The following ITGA9 variants were observed in gnomAD, a reference collection of about 807,000 sequenced individuals.
ITGA9 encodes integrin subunit alpha 9, also known as integrin alpha-9.
ITGA9 carries 56 observed loss-of-function variants against 127.8 expected under a neutral mutation model. That is an observed-to-expected ratio of 0.44 (90% CI 0.35 to 0.55). The LOEUF (loss-of-function observed/expected upper bound fraction) is 0.55, where lower values mean the gene tolerates loss of function less well. Ranked by LOEUF, ITGA9 falls within the 20% of genes least tolerant of loss-of-function variation. The pLI, the probability that ITGA9 is intolerant of heterozygous loss-of-function variation, is 0.00. For synonymous variants in ITGA9, 508 were observed against 514.5 expected (o/e 0.99, Z 0.17); for missense variants, 1,196 against 1,347.1 (o/e 0.89, Z 1.76).
chr3:37,515,128 G>A (rs954693046), intron 9 of ITGA9, among the ~76,000 whole-genome samples: 1 of 152,182 alleles, frequency 6.6e-6, no homozygotes, highest in Non-Finnish European at 1.5e-5. Context: ...TCTCTAACAT[G>A]AGAAAACGCT....
intron 26 of ITGA9, among the ~76,000 whole-genome samples, chr3:37,785,412 T>C (rs1178232122): frequency 6.6e-6 from 1 of 152,188 alleles, no homozygotes; most frequent in South Asian, 2.1e-4. Context: ...TTCTTAGACC[T>C]TTCCTAAGAC....
intron 15 of ITGA9, among the ~76,000 whole-genome samples, chr3:37,588,669 G>A (rs1699783272): frequency 1.3e-5 from 2 of 152,332 alleles, no homozygotes; most frequent in Non-Finnish European, 2.9e-5. Context: ...TCCTGAGAAT[G>A]GGGTTCAGAG....
At chr3:37,479,486 G>A (rs1007625963) in intron 3 of ITGA9, among the ~76,000 whole-genome samples, 1 of 152,206 alleles carries the variant, frequency 6.6e-6, no homozygotes, top group African/African-American at 2.4e-5. Flanking sequence ...GGTGGCAGTG[G>A]CTTGAAGGAT....
At chr3:37,521,420 G>A (rs1699043218) in intron 11 of ITGA9, among the ~76,000 whole-genome samples, 1 of 152,210 alleles carries the variant, frequency 6.6e-6, no homozygotes, top group African/African-American at 2.4e-5. Flanking sequence ...TTACCACGGA[G>A]AGTGTTTATT....
chr3:37,536,739 T>TAG (rs1699211820), intron 14 of ITGA9, among the ~76,000 whole-genome samples: 1 of 152,230 alleles, frequency 6.6e-6, no homozygotes, highest in Non-Finnish European at 1.5e-5. Flanking sequence ...AAATACAGAC[T>TAG]TTCTCTGTAG....
chr3:37,470,674 C>T (rs893752223), intron 1 of ITGA9, among the ~76,000 whole-genome samples: 1 of 152,146 alleles, frequency 6.6e-6, no homozygotes, highest in African/African-American at 2.4e-5. Flanking sequence ...CCTTGCCTGG[C>T]CATTTTTTTT....
chr3:37,650,492 G>T (rs1700419512), intron 16 of ITGA9, among the ~76,000 whole-genome samples: 1 of 152,028 alleles, frequency 6.6e-6, no homozygotes, highest in Admixed American at 6.5e-5. Context: ...GAGTGCAATG[G>T]TTGGTCTCGG....
chr3:37,810,262 G>A (rs1172957150), intron 27 of ITGA9, among the ~76,000 whole-genome samples: 5 of 152,172 alleles, frequency 3.3e-5, no homozygotes, highest in Admixed American at 1.3e-4. Context: ...TGGCCATGCC[G>A]CCGCATTCAC....
chr3:37,545,768 G>A (rs1699320397), intron 15 of ITGA9, among the ~76,000 whole-genome samples: 2 of 152,140 alleles, frequency 1.3e-5, no homozygotes, highest in East Asian at 1.9e-4. Context: ...AGTCACAGGC[G>A]AAAGCCCAAC....
intron 15 of ITGA9, among the ~76,000 whole-genome samples, chr3:37,563,643 G>A (rs759171238): frequency 3.3e-5 from 5 of 152,198 alleles, no homozygotes; most frequent in Non-Finnish European, 5.9e-5. Context: ...TATTAATTCT[G>A]GAGGACAGAT....
Position 37,578,356 on chromosome 3 carries a change from C to T in ITGA9, c.1689+35771C>T, listed in dbSNP as rs184179579. Among the ~76,000 whole-genome samples the T allele has an allele frequency of 1.5e-3, 224 of 152,304 alleles. 4 individuals are homozygous for T. The highest frequency in any genetic ancestry group is 5.2e-3 in the African/African-American group (218 of 41,556). On this transcript the variant is annotated intron_variant, in intron 15 of 27. Coordinates refer to ENST00000264741, the MANE Select transcript of ITGA9 (RefSeq NM_002207.3). ...TGGGGTAAGGGGTGGAGAAGCTTGC[C>T]TCCTTCAGAAGGGTCTTCATTCCTA... is the stretch of plus-strand genomic sequence containing the variant.
chr3:37,632,082 C>T (rs1000816025), intron 16 of ITGA9, among the ~76,000 whole-genome samples: 3 of 151,952 alleles, frequency 2.0e-5, no homozygotes, highest in African/African-American at 4.8e-5. Flanking sequence ...CCAAGGAAAC[C>T]CAAGATTGAG....
chr3:37,806,251 T>A lies in ITGA9; in HGVS notation c.3009+2309T>A, dbSNP rs1300662608. The A allele has an allele frequency of 6.6e-6, 1 of 152,174 alleles. No individual in the cohort carries two copies. Among genetic ancestry groups the A allele is most frequent in the Non-Finnish European group, 1.5e-5 (1 of 68,058 alleles). 9.4% of individuals were successfully genotyped at this position (152,174 alleles called of 1,614,324 possible). On this transcript the variant is annotated intron_variant, in intron 27 of 27. Coordinates refer to ENST00000264741, the MANE Select transcript of ITGA9 (RefSeq NM_002207.3). The surrounding 1 kb of genome is among the most constrained non-coding windows in gnomAD (Gnocchi z 4.3). ...CATCTGAAAAGACAAGGCTTCTTGC[T>A]GAGTTGAGGGCTTTGGTGCATGAGT...
chr3:37,512,983 A>G (rs758625477), intron 8 of ITGA9, among the ~76,000 whole-genome samples: 10 of 152,190 alleles, frequency 6.6e-5, no homozygotes, highest in Non-Finnish European at 1.0e-4. Flanking sequence ...CTCATCAGTT[A>G]AACAGTCTTA....
intron 15 of ITGA9, among the ~76,000 whole-genome samples, chr3:37,604,008 C>T (rs1025836123): frequency 6.6e-6 from 1 of 152,222 alleles, no homozygotes; most frequent in African/African-American, 2.4e-5. Context: ...TATGATGGAA[C>T]TGAAAAGCAG....
Position 37,784,977 on chromosome 3 carries a change from G to C in ITGA9, c.2788G>C (p.Asp930His), listed in dbSNP as rs760794567. The change falls in exon 26 of 28, where the codon GAC (aspartate) becomes CAC (histidine). Residue 930 changes from aspartate (D) to histidine (H), a missense_variant and splice_region_variant. Asp to His is a moderately conservative substitution (Grantham distance 81). Coordinates refer to ENST00000264741, the MANE Select transcript of ITGA9 (RefSeq NM_002207.3). ...MLLNTEILKK[D>H]SSSVIQFMSR... The stretch of plus-strand genomic sequence containing the variant: ...GTAAGTTGTGTTGTTTCTTCCACAG[G>C]ACAGTTCGTCTGTCATCCAGTTCAT... The C allele has an allele frequency of 6.2e-6, 10 of 1,612,938 alleles. No individual in the cohort carries two copies. The South Asian group carries it at 1.1e-4, about 18-fold the overall frequency.
intron 15 of ITGA9, among the ~76,000 whole-genome samples, chr3:37,583,045 C>T (rs556809740): frequency 1.3e-5 from 2 of 152,312 alleles, no homozygotes; most frequent in East Asian, 1.9e-4. Flanking sequence ...TAGTGGCCCG[C>T]AGGCTGAGTC....
chr3:37,712,546 A>T (rs1309389493), intron 18 of ITGA9, among the ~76,000 whole-genome samples: 1 of 152,178 alleles, frequency 6.6e-6, no homozygotes, highest in Non-Finnish European at 1.5e-5. Flanking sequence ...GGGTTTTGCA[A>T]ACTGAAAGTA....
intron 1 of ITGA9, among the ~76,000 whole-genome samples, chr3:37,468,655 G>C (rs1400656896): frequency 1.3e-5 from 2 of 152,134 alleles, no homozygotes; most frequent in African/African-American, 4.8e-5. Flanking sequence ...TGGCTTTCAG[G>C]GCAGAGGGAA....
Sources: gnomAD v4.1 joint callset for allele counts (sites outside exome capture counted in the v4.1 genomes callset) on GRCh38, gnomAD v4.1.1 for gene constraint, Gnocchi (gnomAD v3.1) non-coding constraint, MANE v1.5 for transcripts, NCBI Gene and HGNC (gene_info 2026-07-23, HGNC 2026-07-21) for gene names.